NXN: variants seen among roughly 807,000 people sequenced by gnomAD.
The protein encoded by NXN is nucleoredoxin.
Under a neutral mutation model 48.6 loss-of-function variants are expected in NXN, and 16 were observed. That is an observed-to-expected ratio of 0.33 (90% CI 0.22 to 0.50). The LOEUF (loss-of-function observed/expected upper bound fraction) is 0.50. Among genes scored for constraint, NXN ranks in the 20% least tolerant of loss-of-function variants. The pLI is 0.98. For missense variants in NXN, 492 were observed against 605.5 expected (o/e 0.81, Z 1.97); for synonymous variants, 281 against 269.6 (o/e 1.04, Z -0.41).
chr17:819,748 G>C (rs1037096544), intron 4 of NXN, among the ~76,000 whole-genome samples: 1 of 152,080 alleles, frequency 6.6e-6, no homozygotes, highest in South Asian at 2.1e-4. Flanking sequence ...CCACACAGCA[G>C]GTGGGTGCCG....
intron 5 of NXN, among the ~76,000 whole-genome samples, chr17:815,059 C>A (rs1912392590): frequency 6.6e-6 from 1 of 152,212 alleles, no homozygotes; most frequent in South Asian, 2.1e-4. Context: ...AGCCACCATG[C>A]CTAGGCAGTA....
At chr17:855,182 G>A (rs1439445905) in intron 1 of NXN, among the ~76,000 whole-genome samples, 3 of 152,150 alleles carry the variant, frequency 2.0e-5, no homozygotes, top group Non-Finnish European at 4.4e-5. Flanking sequence ...AGGCTGAGAA[G>A]GGAGGATCAC....
intron 5 of NXN, among the ~76,000 whole-genome samples, chr17:810,316 G>A (rs543732378): frequency 6.6e-6 from 1 of 151,978 alleles, no homozygotes; most frequent in Non-Finnish European, 1.5e-5. Flanking sequence ...TGAGTGGTGT[G>A]CACGTTACGA....
intron 5 of NXN, among the ~76,000 whole-genome samples, chr17:813,750 C>T (rs990394041): frequency 8.0e-5 from 12 of 149,788 alleles, no homozygotes; most frequent in Admixed American, 2.0e-4. Context: ...GGGCACATCA[C>T]GAGGTCAGGA....
At chr17:908,795 G>A (rs1028346341) in intron 1 of NXN, among the ~76,000 whole-genome samples, 1 of 151,948 alleles carries the variant, frequency 6.6e-6, no homozygotes, top group African/African-American at 2.4e-5. Context: ...TGAAAACCAC[G>A]ACTAGCACTT....
chr17:845,500 C>G (rs546448096), intron 1 of NXN, among the ~76,000 whole-genome samples: 1 of 152,214 alleles, frequency 6.6e-6, no homozygotes, highest in Non-Finnish European at 1.5e-5. Flanking sequence ...CCATCATCAC[C>G]CTTACAGGCT....
chr17:923,762 C>T (rs1256866635), intron 1 of NXN, among the ~76,000 whole-genome samples: 1 of 152,150 alleles, frequency 6.6e-6, no homozygotes, highest in Non-Finnish European at 1.5e-5. Flanking sequence ...ATAAAAGAAA[C>T]AGATAGGACA....
chr17:897,761 G>T (rs2663316), intron 1 of NXN, among the ~76,000 whole-genome samples: 124,303 of 151,994 alleles, frequency 0.82, 51,118 homozygotes, highest in East Asian at 0.9. Flanking sequence ...CTGCAACCTC[G>T]GCCTCCAAGG....
chr17:952,143 C>T lies in NXN; in HGVS notation c.360+27176G>A, dbSNP rs563485726. On this transcript the variant is annotated intron_variant, in intron 1 of 7. Transcript: ENST00000336868. ...CCCACCTCCTGCCAGGACAAGGCCACAGGAGGTTGCAGAAAATTCAGGTCA... is the reference window on the plus strand; with the variant it reads ...CCCACCTCCTGCCAGGACAAGGCCATAGGAGGTTGCAGAAAATTCAGGTCA... Among the ~76,000 whole-genome samples, 9 of 151,260 alleles carry T rather than the reference C, an allele frequency of 6.0e-5. 1 individual carries two copies. In the South Asian group the frequency reaches 1.9e-3, roughly 32 times the overall value.
At chr17:805,293 G>C in intron 5 of NXN, 46 bp from the exon 6 acceptor site, 1 of 1,557,512 alleles carries the variant, frequency 6.4e-7, no homozygotes. Context: ...GGAGATGCTG[G>C]CCCTGCCTGG....
At chr17:950,502 A>G (rs529068014) in intron 1 of NXN, among the ~76,000 whole-genome samples, 10 of 144,200 alleles carry the variant, frequency 6.9e-5, no homozygotes, top group Non-Finnish European at 4.6e-5. Context: ...TCCCCTGTCG[A>G]TTCCCCAAAA....
At chr17:807,181 A>G (rs76275080) in intron 5 of NXN, among the ~76,000 whole-genome samples, 19,323 of 152,156 alleles carry the variant, frequency 0.13, 1,531 homozygotes, top group Middle Eastern at 0.18. Context: ...CGGGCCAGGG[A>G]CCACCACAGG....
At position 978,793 on chromosome 17, in the gene NXN, A is replaced by C. The variant is rs1179791608; in HGVS notation, c.360+526T>G. On this transcript the variant is annotated intron_variant, in intron 1 of 7. Coordinates refer to ENST00000336868, the MANE Select transcript of NXN (RefSeq NM_022463.5). This position sits in a 1 kb window ranked among gnomAD's most constrained non-coding sequence, Gnocchi z 4.1. The stretch of plus-strand genomic sequence containing the variant: ...GGAAGGCAGGTTTCTCCCGGAAAGA[A>C]AGGAAACGCGCTGGTTTGGGCGCCA... 6.6e-6 allele frequency among the ~76,000 whole-genome samples: 1 copy of C among 152,022 alleles called. No individual in the cohort carries two copies. Among genetic ancestry groups the C allele is most frequent in the Non-Finnish European group, 1.5e-5 (1 of 67,960 alleles).
intron 1 of NXN, chr17:864,071 GCA>G (rs1368751477): frequency 1.4e-6 from 2 of 1,450,418 alleles, no homozygotes; most frequent in Non-Finnish European, 1.8e-6. Context: ...CGGTGAAGGG[GCA>G]CAGTTACCGT....
intron 1 of NXN, among the ~76,000 whole-genome samples, chr17:899,721 T>G (rs2144894322): frequency 6.6e-6 from 1 of 152,216 alleles, no homozygotes; most frequent in African/African-American, 2.4e-5. Context: ...GGGAGGGTCT[T>G]GCCCAGTTGA....
chr17:903,490 C>T (rs1310763289), intron 1 of NXN, among the ~76,000 whole-genome samples: 1 of 152,158 alleles, frequency 6.6e-6, no homozygotes, highest in Admixed American at 6.6e-5. Flanking sequence ...CAAGCAGATT[C>T]TCCCACCTCC....
At chr17:882,065 T>A (rs940116782) in intron 1 of NXN, among the ~76,000 whole-genome samples, 2 of 152,170 alleles carry the variant, frequency 1.3e-5, no homozygotes, top group African/African-American at 4.8e-5. Context: ...AGCTGGGTCC[T>A]TAAGAACCAT....
At chr17:927,313 A>C (rs935014610) in intron 1 of NXN, among the ~76,000 whole-genome samples, 1 of 150,824 alleles carries the variant, frequency 6.6e-6, no homozygotes, top group African/African-American at 2.4e-5. Context: ...GGGAGGTAAA[A>C]GAAGCAAAAT....
Position 841,628 on chromosome 17 carries a change from AAGCAGGTCCACCCTGACCACAGCG to A in NXN, c.361-15574_361-15551del, listed in dbSNP as rs1914303133. Among the ~76,000 whole-genome samples the A allele has an allele frequency of 1.0e-3, 23 of 22,356 alleles. 1 individual carries two copies. The highest frequency in any genetic ancestry group is 6.0e-3 in the African/African-American group (23 of 3,864). The allele number at this position is 22,356 out of a possible 152,430, so 14.7% of individuals were successfully genotyped here. A position where few individuals can be genotyped will look rare whatever the true frequency, so the allele number is the denominator to read the frequency against. On this transcript the variant is annotated intron_variant, in intron 1 of 7. Coordinates refer to ENST00000336868, the MANE Select transcript of NXN (RefSeq NM_022463.5). ...CGACCACAGAGCATCTCACACGGGCAAGCAGGTCCACCCTGACCACAGCGCATCTCACGCCGGCGAGCAGGTCCA... is the reference window on the plus strand; with the variant it reads ...CGACCACAGAGCATCTCACACGGGCACATCTCACGCCGGCGAGCAGGTCCA...
Sources: gnomAD v4.1 joint callset for allele counts (sites outside exome capture counted in the v4.1 genomes callset) on GRCh38, gnomAD v4.1.1 for gene constraint, Gnocchi (gnomAD v3.1) non-coding constraint, MANE v1.5 for transcripts, NCBI Gene and HGNC (gene_info 2026-07-23, HGNC 2026-07-21) for gene names.